Variants in CDH12 observed in about 807,000 individuals in gnomAD.
The protein encoded by CDH12 is cadherin-12.
Under a neutral mutation model 74.1 loss-of-function variants are expected in CDH12, and 41 were observed. The observed-to-expected ratio is 0.55, with a 90% CI of 0.43 to 0.72. CDH12 has a LOEUF of 0.72. Ranked by LOEUF, CDH12 falls within the 30% of genes least tolerant of loss-of-function variation. The pLI, the probability that CDH12 is intolerant of heterozygous loss-of-function variation, is 0.00. For missense variants in CDH12, 945 were observed against 977.2 expected (o/e 0.97, Z 0.44); for synonymous variants, 399 against 355.0 (o/e 1.12, Z -1.39).
intron 6 of CDH12, among the ~76,000 whole-genome samples, chr5:21,950,001 A>G (rs1265946041): frequency 5.9e-5 from 9 of 152,210 alleles, no homozygotes; most frequent in Non-Finnish European, 1.2e-4. Context: ...ACTCTCCCAG[A>G]GCAACTCCTA....
chr5:21,797,142 A>G (rs976748368), intron 10 of CDH12, among the ~76,000 whole-genome samples: 4 of 152,020 alleles, frequency 2.6e-5, no homozygotes, highest in African/African-American at 9.7e-5. Flanking sequence ...AAACGGGCTC[A>G]GTCCTTGGTT....
chr5:22,490,478 A>C (rs1438789089), intron 2 of CDH12, among the ~76,000 whole-genome samples: 2 of 152,174 alleles, frequency 1.3e-5, no homozygotes, highest in African/African-American at 4.8e-5. Context: ...CATATCGAGA[A>C]CAGGAGAATT....
chr5:21,946,518 ACACTT>A, intron 6 of CDH12, among the ~76,000 whole-genome samples: 1 of 152,294 alleles, frequency 6.6e-6, no homozygotes, highest in African/African-American at 2.4e-5. Context: ...CAAGTTTTCT[ACACTT>A]CACTCAAAGA....
chr5:22,529,434 C>T (rs1238840766), intron 1 of CDH12, among the ~76,000 whole-genome samples: 1 of 151,870 alleles, frequency 6.6e-6, no homozygotes, highest in Non-Finnish European at 1.5e-5. Context: ...GCTAATGTTC[C>T]CATTTAATCC....
chr5:22,269,575 A>G (rs1236906754), intron 3 of CDH12, among the ~76,000 whole-genome samples: 1 of 152,178 alleles, frequency 6.6e-6, no homozygotes, highest in Non-Finnish European at 1.5e-5. Flanking sequence ...TGTCCAAACT[A>G]ATGTAAAACT....
At chr5:22,299,345 G>A (rs918555751) in intron 3 of CDH12, among the ~76,000 whole-genome samples, 2 of 152,150 alleles carry the variant, frequency 1.3e-5, no homozygotes, top group African/African-American at 4.8e-5. Flanking sequence ...CTGAATAAAA[G>A]ATGGGGAGTC....
chr5:21,870,308 A>C (rs1383365248), intron 6 of CDH12, among the ~76,000 whole-genome samples: 1 of 152,146 alleles, frequency 6.6e-6, no homozygotes, highest in Non-Finnish European at 1.5e-5. Context: ...GGGTGTTTCC[A>C]GAGGAGATTT....
At chr5:22,335,557 G>A (rs528508142) in intron 3 of CDH12, among the ~76,000 whole-genome samples, 2 of 151,638 alleles carry the variant, frequency 1.3e-5, no homozygotes, top group African/African-American at 4.8e-5. Context: ...TGCACTCCAG[G>A]CTGGGTGACA....
At chr5:22,188,280 C>T (rs1434860062) in intron 4 of CDH12, among the ~76,000 whole-genome samples, 1 of 152,012 alleles carries the variant, frequency 6.6e-6, no homozygotes, top group Admixed American at 6.6e-5. Flanking sequence ...TCAGGTTTCC[C>T]TCTCTTCACA....
At chr5:22,187,974 T>G (rs1241333770) in intron 4 of CDH12, among the ~76,000 whole-genome samples, 1 of 152,120 alleles carries the variant, frequency 6.6e-6, no homozygotes, top group East Asian at 1.9e-4. Context: ...GCTGGTCCTC[T>G]GGAACTCTTT....
intron 5 of CDH12, among the ~76,000 whole-genome samples, chr5:22,020,439 T>A (rs967811497): frequency 1.3e-5 from 2 of 151,550 alleles, no homozygotes; most frequent in African/African-American, 4.9e-5. Context: ...CTGTAATCTC[T>A]GCTACTCGGG....
intron 3 of CDH12, among the ~76,000 whole-genome samples, chr5:22,294,804 T>C (rs1737554064): frequency 6.6e-6 from 1 of 152,242 alleles, no homozygotes; most frequent in South Asian, 2.1e-4. Flanking sequence ...TCTCGTTTCT[T>C]ATGTTTGCCT....
intron 6 of CDH12, chr5:21,883,227 A>G (rs1752450135): frequency 2.2e-6 from 3 of 1,367,136 alleles, no homozygotes; most frequent in Non-Finnish European, 3.1e-6. Flanking sequence ...TGAATTAGAA[A>G]TTATTGAAGG....
chr5:22,821,678 T>C (rs1176090237), intron 1 of CDH12, among the ~76,000 whole-genome samples: 3 of 151,852 alleles, frequency 2.0e-5, no homozygotes, highest in Non-Finnish European at 4.4e-5. Flanking sequence ...TTACAAGGGA[T>C]GTGAAGGACC....
chr5:22,083,445 A>T (rs1368577162), intron 4 of CDH12, among the ~76,000 whole-genome samples: 3 of 152,160 alleles, frequency 2.0e-5, no homozygotes, highest in African/African-American at 7.2e-5. Context: ...AATGATGCCT[A>T]TTTTATCAGC....
chr5:22,623,208 A>G (rs376396074), intron 1 of CDH12, among the ~76,000 whole-genome samples: 1 of 152,206 alleles, frequency 6.6e-6, no homozygotes, highest in Non-Finnish European at 1.5e-5. Flanking sequence ...CCCACAGCCA[A>G]TATCATACTG....
chr5:22,697,799 T>C (rs1742457746), intron 1 of CDH12, among the ~76,000 whole-genome samples: 1 of 152,048 alleles, frequency 6.6e-6, no homozygotes, highest in African/African-American at 2.4e-5. Context: ...GGTGGGGCCC[T>C]AATCTCATAT....
At chr5:21,978,164 G>A (rs528558915) in intron 5 of CDH12, among the ~76,000 whole-genome samples, 7 of 151,768 alleles carry the variant, frequency 4.6e-5, no homozygotes, top group South Asian at 2.1e-4. Flanking sequence ...TTTTTGAGTC[G>A]GAGTATCGCT....
In CDH12 at chr5:22,812,628, C is replaced by G. The variant is rs191191155; in HGVS notation, c.-523+40430G>C. Reference sequence around the variant, plus strand: ...TCTGTGTATATTCTCCAACTAAAACCTCATGTTTGGGGGTGTGGGAAAAGT... The same window carrying G: ...TCTGTGTATATTCTCCAACTAAAACGTCATGTTTGGGGGTGTGGGAAAAGT... On this transcript the variant is annotated intron_variant, in intron 1 of 14. Coordinates refer to ENST00000382254, the MANE Select transcript of CDH12 (RefSeq NM_004061.5). 6.9e-3 allele frequency among the ~76,000 whole-genome samples: 1,043 copies of G among 152,150 alleles called. 7 individuals are homozygous for G. The highest frequency in any genetic ancestry group is 0.012 in the Non-Finnish European group (786 of 68,000).
Sources: gnomAD v4.1 joint callset for allele counts (sites outside exome capture counted in the v4.1 genomes callset) on GRCh38, gnomAD v4.1.1 for gene constraint, MANE v1.5 for transcripts, NCBI Gene and HGNC (gene_info 2026-07-23, HGNC 2026-07-21) for gene names.